The following PELP1 variants were observed in gnomAD, a reference collection of about 807,000 sequenced individuals.
PELP1 encodes proline-, glutamic acid- and leucine-rich protein 1.
A neutral mutation model predicts 95.5 loss-of-function variants in PELP1; 32 were observed. The observed-to-expected ratio is 0.34, with a 90% CI of 0.25 to 0.45. PELP1 has a LOEUF of 0.45. PELP1 is among the 20% of genes least tolerant of loss of function. The probability of loss-of-function intolerance (pLI) is 1.00; values close to 1 mark genes in which losing one functional copy is unlikely to be tolerated. For missense variants in PELP1, 1,358 were observed against 1,444.8 expected (o/e 0.94, Z 0.97); for synonymous variants, 668 against 600.1 (o/e 1.11, Z -1.65).
rs757019542 is a variant in PELP1 at position 4,675,424 on chromosome 17, G to A, written c.1069-62C>T. On this transcript the variant is annotated intron_variant, in intron 9 of 16. Transcript: ENST00000572293. This position sits in a 1 kb window ranked among gnomAD's most constrained non-coding sequence, Gnocchi z 4.3. The stretch of plus-strand genomic sequence containing the variant: ...AGAAAGTGAGAGCCAGAGAGAGACA[G>A]AAACAGGGAATGACCATTTACATAT... 40 of 1,052,766 alleles carry A rather than the reference G, an allele frequency of 3.8e-5. No homozygotes were observed. The highest frequency in any genetic ancestry group is 1.7e-5 in the Non-Finnish European group (12 of 701,572). 65.2% of individuals were successfully genotyped at this position (1,052,766 alleles called of 1,614,324 possible). A position where few individuals can be genotyped will look rare whatever the true frequency, so the allele number is the denominator to read the frequency against.
At position 4,673,148 on chromosome 17, in the gene PELP1, G is replaced by A. The variant is rs559141289; in HGVS notation, c.1846-3C>T. 3.3e-6 allele frequency: 5 copies of A among 1,512,226 alleles called. No individual in the cohort carries two copies. The South Asian group carries it at 5.4e-5, about 16-fold the overall frequency. The allele number at this position is 1,512,226 out of a possible 1,614,324, so 93.7% of individuals were successfully genotyped here. On this transcript the variant is annotated splice_region_variant and splice_polypyrimidine_tract_variant and intron_variant, in intron 15 of 16. Transcript: ENST00000572293. This position sits in a 1 kb window ranked among gnomAD's most constrained non-coding sequence, Gnocchi z 5.7. Reference sequence around the variant, plus strand: ...GCTTCTGAGCAGAAAGAGGAGACCTGAGGAAAGAAGAAAGGGCAAGTGTGA... The same window carrying A: ...GCTTCTGAGCAGAAAGAGGAGACCTAAGGAAAGAAGAAAGGGCAAGTGTGA...
At chr17:4,703,762 C>T in intron 1 of PELP1, 101 bp downstream of exon 1, 1 of 1,032,608 alleles carries the variant, frequency 9.7e-7, no homozygotes, top group Non-Finnish European at 1.4e-6. Context: ...GCTCTCCTTC[C>T]TTCAACCTCC....
Position 4,678,159 on chromosome 17 carries a change from A to G in PELP1, c.643-1347T>C, listed in dbSNP as rs552612260. Among the ~76,000 whole-genome samples, 89 of 151,880 alleles carry G rather than the reference A, an allele frequency of 5.9e-4. 1 individual carries two copies. Among genetic ancestry groups the G allele is most frequent in the Non-Finnish European group, 9.3e-4 (63 of 67,966 alleles). ...AACCCAGGAGGCGGAGGTTGCAGTG[A>G]GCCGAGATCACGCCACTGCACTCTA... On this transcript the variant is annotated intron_variant, in intron 5 of 16. Coordinates refer to ENST00000572293, the MANE Select transcript of PELP1 (RefSeq NM_014389.3).
chr17:4,675,152 G>A lies in PELP1; in HGVS notation c.1201C>T (p.Leu401=). The part of the protein sequence containing the change: ...LLRFGILIGR[L]LPQVLNSWSI... Reference sequence around the variant, plus strand: ...CAGGAATTGAGGACCTGGGGAAGCAGGCGGCCGATCAGGATCCCAAAGCGC... The same window carrying A: ...CAGGAATTGAGGACCTGGGGAAGCAAGCGGCCGATCAGGATCCCAAAGCGC... The change falls in exon 11 of 17, where the codon CTG becomes TTG. Residue 401 remains leucine (L), a synonymous_variant. Transcript: ENST00000572293. The surrounding 1 kb of genome is among the most constrained non-coding windows in gnomAD (Gnocchi z 4.3). 8 of 1,613,902 alleles carry A rather than the reference G, an allele frequency of 5.0e-6. No individual in the cohort carries two copies. Among genetic ancestry groups the A allele is most frequent in the South Asian group, 1.1e-5 (1 of 91,078 alleles).
At chr17:4,676,012 G>T in intron 8 of PELP1, 24 bp downstream of exon 8, 1 of 1,612,574 alleles carries the variant, frequency 6.2e-7, no homozygotes, top group Non-Finnish European at 8.5e-7. Flanking sequence ...CCACGCCTCC[G>T]CTCCCTCCAA....
At chr17:4,693,719 A>G (rs9907858) in intron 1 of PELP1, among the ~76,000 whole-genome samples, 148,869 of 152,294 alleles carry the variant, frequency 0.98, 72,843 homozygotes, top group Middle Eastern at 1. Context: ...AGGTAGGATG[A>G]AGCAGAACTC....
At chr17:4,683,189 T>C (rs1334896736) in intron 3 of PELP1, 16 of 685,566 alleles carry the variant, frequency 2.3e-5, no homozygotes, top group South Asian at 2.1e-4. Context: ...AACAAAGCTA[T>C]ACCTTAAAGA....
At position 4,674,933 on chromosome 17, in the gene PELP1, G is replaced by A. The variant is rs757374533; in HGVS notation, c.1298C>T (p.Ala433Val). The A allele has an allele frequency of 8.7e-6, 14 of 1,612,882 alleles. No individual in the cohort carries two copies. The highest frequency in any genetic ancestry group is 1.7e-4 in the Middle Eastern group (1 of 6,058). Residue 433 changes from alanine to valine, a missense_variant, in exon 12 of 17, where the codon GCG becomes GTG. This residue lies in a region of PELP1 where 538 missense variants were observed against 628.1 expected (regional missense o/e 0.86). Transcript: ENST00000572293. The stretch of plus-strand genomic sequence containing the variant: ...AACCTGCACCCACAGCTCTAATATC[G>A]CATACACCTTGGTCCGAACCGTGCT... ...PYSTVRTKVY[A>V]ILELWVQVCG...
Position 4,672,128 on chromosome 17 carries a change from C to T in PELP1, c.2863G>A (p.Glu955Lys). ...AGGTCTTCCACCTCTTCCAGTTCTT[C>T]TTCCTCCTCCTCATCCTCCTCTTCT... ...EEEEEDEEEE[E>K]ELEEVEDLEF... The change falls in exon 16 of 17, where the codon GAA (glutamate) becomes AAA (lysine). Residue 955 changes from glutamate to lysine, a missense_variant. Coordinates refer to ENST00000572293, the MANE Select transcript of PELP1 (RefSeq NM_014389.3). 1 of 1,552,720 alleles carries T rather than the reference C, an allele frequency of 6.4e-7. No homozygotes were observed. The highest frequency in any genetic ancestry group is 8.7e-7 in the Non-Finnish European group (1 of 1,147,564).
At chr17:4,682,022 G>A (rs896022741) in intron 5 of PELP1, among the ~76,000 whole-genome samples, 15 of 151,790 alleles carry the variant, frequency 9.9e-5, no homozygotes, top group Admixed American at 2.0e-4. Flanking sequence ...TTAGCTGGGC[G>A]TGGTGGCACA....
At chr17:4,692,808 G>C (rs968531111) in intron 1 of PELP1, among the ~76,000 whole-genome samples, 1 of 152,074 alleles carries the variant, frequency 6.6e-6, no homozygotes, top group South Asian at 2.1e-4. Flanking sequence ...TCAGGAGTTC[G>C]AGACCAGCCT....
intron 11 of PELP1, 33 bp from the exon 12 acceptor site, chr17:4,674,989 G>T (rs747979158): frequency 1.2e-6 from 2 of 1,604,896 alleles, no homozygotes; most frequent in South Asian, 2.2e-5. Flanking sequence ...AGTTATGAAT[G>T]GGGGGTCAAC....
intron 5 of PELP1, among the ~76,000 whole-genome samples, chr17:4,677,790 T>A (rs1331716667): frequency 6.6e-6 from 1 of 151,084 alleles, no homozygotes; most frequent in Admixed American, 6.6e-5. Flanking sequence ...CTTAGCCGGG[T>A]GTGGTGGCGC....
Position 4,692,047 on chromosome 17 carries a change from G to A in PELP1, c.250-605C>T, listed in dbSNP as rs986147438. ...CTCACGGCACCCGCGTCTCCCTAAC[G>A]GCGTGCATCGTTCCTTCTTCCAACA... On this transcript the variant is annotated intron_variant, in intron 1 of 16. Transcript: ENST00000572293. Among the ~76,000 whole-genome samples the A allele has an allele frequency of 7.2e-5, 11 of 152,244 alleles. No homozygotes were observed. The South Asian group carries it at 1.0e-3, about 14-fold the overall frequency.
At chr17:4,699,897 ATTTTTTTTTTTT>A (rs34806511) in intron 1 of PELP1, among the ~76,000 whole-genome samples, 1 of 86,740 alleles carries the variant, frequency 1.2e-5, no homozygotes, top group Non-Finnish European at 2.0e-5. Context: ...CTAGAGGGTG[ATTTTTTTTTTTT>A]TTTTTTTTTT....
intron 1 of PELP1, among the ~76,000 whole-genome samples, chr17:4,692,694 T>C (rs565963860): frequency 1.3e-5 from 2 of 150,908 alleles, no homozygotes; most frequent in East Asian, 2.0e-4. Context: ...TTTAGGAGAG[T>C]AGATACAAAA....
intron 5 of PELP1, among the ~76,000 whole-genome samples, chr17:4,681,267 G>A (rs900546942): frequency 8.6e-5 from 13 of 152,040 alleles, no homozygotes; most frequent in African/African-American, 3.1e-4. Context: ...GGAGGATCAC[G>A]TGGGGCCAGG....
rs558211284 is a variant in PELP1 at position 4,671,399 on chromosome 17, A to G, written c.*40T>C. ...GAAGCAGCAGTCGCTATCTAAGGAC[A>G]TAACTTTATTGGAAACAAAGAGTGG... is the stretch of plus-strand genomic sequence containing the variant. On this transcript the variant is annotated 3_prime_UTR_variant, in exon 17 of 17. Coordinates refer to ENST00000572293, the MANE Select transcript of PELP1 (RefSeq NM_014389.3). The G allele has an allele frequency of 2.7e-6, 3 of 1,108,898 alleles. No individual in the cohort carries two copies. Among genetic ancestry groups the G allele is most frequent in the Admixed American group, 3.4e-5 (2 of 58,904 alleles). The allele number at this position is 1,108,898 out of a possible 1,614,324, so 68.7% of individuals were successfully genotyped here.
At chr17:4,693,655 T>G (rs907732515) in intron 1 of PELP1, among the ~76,000 whole-genome samples, 1 of 152,180 alleles carries the variant, frequency 6.6e-6, no homozygotes. Context: ...GCAGGGAGCA[T>G]GTGCAACATG....
Sources: gnomAD v4.1 joint callset for allele counts (sites outside exome capture counted in the v4.1 genomes callset) on GRCh38, gnomAD v4.1.1 for gene constraint, gnomAD v4.1.1 regional missense constraint, Gnocchi (gnomAD v3.1) non-coding constraint, MANE v1.5 for transcripts, NCBI Gene and HGNC (gene_info 2026-07-23, HGNC 2026-07-21) for gene names.